Variants in TEAD1 observed in about 807,000 individuals in gnomAD.
TEAD1 encodes the protein TEA domain transcription factor 1.
Under a neutral mutation model 54.9 loss-of-function variants are expected in TEAD1, and 9 were observed. The observed-to-expected ratio is 0.16, with a 90% CI of 0.10 to 0.29. The LOEUF is 0.29. Ranked by LOEUF, TEAD1 falls within the 10% of genes least tolerant of loss-of-function variation. The pLI is 1.00. For missense variants in TEAD1, 387 were observed against 535.9 expected (o/e 0.72, Z 2.74); for synonymous variants, 200 against 187.8 (o/e 1.07, Z -0.53).
chr11:12,692,076 A>G (rs6486014), intron 2 of TEAD1, among the ~76,000 whole-genome samples: 3,776 of 152,318 alleles, frequency 0.025, 156 homozygotes, highest in African/African-American at 0.086. Context: ...GCGGGCCTAT[A>G]GTAGTAGGCC....
chr11:12,827,224 A>AC (rs1946675828), intron 3 of TEAD1, among the ~76,000 whole-genome samples: 1 of 152,180 alleles, frequency 6.6e-6, no homozygotes, highest in Non-Finnish European at 1.5e-5. Context: ...ACATATCCTG[A>AC]CTTTACTAGT....
At chr11:12,717,669 G>A (rs1944093092) in intron 2 of TEAD1, among the ~76,000 whole-genome samples, 1 of 152,182 alleles carries the variant, frequency 6.6e-6, no homozygotes, top group Non-Finnish European at 1.5e-5. Context: ...GGAAGTCAAG[G>A]AAGCTTTGTG....
intron 3 of TEAD1, among the ~76,000 whole-genome samples, chr11:12,853,987 C>T (rs955431235): frequency 6.6e-6 from 1 of 152,104 alleles, no homozygotes; most frequent in Admixed American, 6.5e-5. Context: ...CATATTATCT[C>T]CAGGGATTGC....
intron 10 of TEAD1, among the ~76,000 whole-genome samples, chr11:12,924,174 A>C (rs1176908661): frequency 6.6e-6 from 1 of 152,130 alleles, no homozygotes; most frequent in Non-Finnish European, 1.5e-5. Flanking sequence ...CTTGGCCTGC[A>C]CTGTACCCCC....
At chr11:12,858,167 C>G (rs1470317680) in intron 3 of TEAD1, among the ~76,000 whole-genome samples, 2 of 152,162 alleles carry the variant, frequency 1.3e-5, no homozygotes, top group Non-Finnish European at 2.9e-5. Context: ...TGACAAGACT[C>G]TCCTCAGAAC....
intron 2 of TEAD1, among the ~76,000 whole-genome samples, chr11:12,700,299 C>T (rs981180475): frequency 6.6e-6 from 1 of 151,406 alleles, no homozygotes; most frequent in African/African-American, 2.4e-5. Context: ...TGGACTTTTT[C>T]TTCCATAACT....
chr11:12,685,147 C>G (rs1943306978), intron 2 of TEAD1, among the ~76,000 whole-genome samples: 1 of 152,170 alleles, frequency 6.6e-6, no homozygotes, highest in African/African-American at 2.4e-5. Context: ...CAGGGACCAC[C>G]TGCATTTTAT....
chr11:12,744,262 G>A (rs1455053575), intron 2 of TEAD1, among the ~76,000 whole-genome samples: 2 of 152,144 alleles, frequency 1.3e-5, no homozygotes, highest in Non-Finnish European at 2.9e-5. Flanking sequence ...TCTATCGGTG[G>A]CCTTGAAATT....
intron 2 of TEAD1, among the ~76,000 whole-genome samples, chr11:12,720,623 A>C (rs1226651909): frequency 6.6e-6 from 1 of 152,238 alleles, no homozygotes; most frequent in Non-Finnish European, 1.5e-5. Flanking sequence ...ATTTGAATCC[A>C]AGCCAATTTC....
chr11:12,871,439 A>G (rs1029582604), intron 5 of TEAD1, among the ~76,000 whole-genome samples: 1 of 152,028 alleles, frequency 6.6e-6, no homozygotes, highest in Admixed American at 6.6e-5. Flanking sequence ...AGCTCCAGGG[A>G]TTTATTATCC....
At chr11:12,780,679 C>T (rs1440437550) in intron 3 of TEAD1, among the ~76,000 whole-genome samples, 1 of 152,162 alleles carries the variant, frequency 6.6e-6, no homozygotes, top group Non-Finnish European at 1.5e-5. Flanking sequence ...ACCTCCAAAA[C>T]TACAAAATAT....
rs1211696636 is a variant in TEAD1, at chr11:12,764,242, A to G, written c.10A>G (p.Ser4Gly). Reference sequence around the variant, plus strand: ...AAATCCCACCGCCAAAATTGAGCCCAGCAGCTGGAGCGGCAGTGAGAGCCC... The same window carrying G: ...AAATCCCACCGCCAAAATTGAGCCCGGCAGCTGGAGCGGCAGTGAGAGCCC... Residue 4 changes from serine (S) to glycine (G), a missense_variant, in exon 3 of 13, where the codon AGC becomes GGC. This residue lies in a region of TEAD1 where 55 missense variants were observed against 50.4 expected (regional missense o/e 1.09). Transcript: ENST00000527636. The G allele has an allele frequency of 2.5e-6, 4 of 1,613,820 alleles. No homozygotes were observed. The highest frequency in any genetic ancestry group is 1.3e-5 in the African/African-American group (1 of 74,932).
At chr11:12,681,981 C>T (rs1045794513) in intron 2 of TEAD1, among the ~76,000 whole-genome samples, 3 of 152,224 alleles carry the variant, frequency 2.0e-5, no homozygotes, top group Admixed American at 2.0e-4. Context: ...CTGCAGCCTC[C>T]ATGGAGCTTT....
At position 12,705,177 on chromosome 11, in the gene TEAD1, C is replaced by T. The variant is rs564064752; in HGVS notation, c.-55+29616C>T. ...AGCTGACAGAAGCACTCAGGGAATTCGCATATCCTCTTTCTTGTGATTTCT... is the reference window on the plus strand; with the variant it reads ...AGCTGACAGAAGCACTCAGGGAATTTGCATATCCTCTTTCTTGTGATTTCT... On this transcript the variant is annotated intron_variant, in intron 2 of 12. Transcript: ENST00000527636. Among the ~76,000 whole-genome samples, 11 of 152,306 alleles carry T rather than the reference C, an allele frequency of 7.2e-5. No homozygotes were observed. In the East Asian group the frequency reaches 1.2e-3, roughly 16 times the overall value.
intron 2 of TEAD1, among the ~76,000 whole-genome samples, chr11:12,714,759 G>A (rs1289337346): frequency 6.6e-6 from 1 of 152,094 alleles, no homozygotes; most frequent in Non-Finnish European, 1.5e-5. Flanking sequence ...TTCTTCCGAG[G>A]CCCCTCTTGT....
At chr11:12,734,799 CTG>C (rs2133884199) in intron 2 of TEAD1, among the ~76,000 whole-genome samples, 1 of 152,300 alleles carries the variant, frequency 6.6e-6, no homozygotes, top group South Asian at 2.1e-4. Context: ...GTTTGTGTAA[CTG>C]TGCTCTGTGA....
chr11:12,753,103 C>G (rs993523726), intron 2 of TEAD1, among the ~76,000 whole-genome samples: 1 of 151,958 alleles, frequency 6.6e-6, no homozygotes, highest in African/African-American at 2.4e-5. Flanking sequence ...CTCGGCCTCC[C>G]AAAGTGCTGG....
chr11:12,865,074 A>G, intron 5 of TEAD1, 174 bp downstream of exon 5: 2 of 752,680 alleles, frequency 2.7e-6, no homozygotes, highest in Non-Finnish European at 4.6e-6. Context: ...GCCTCACATT[A>G]AACTCAATGT....
intron 2 of TEAD1, among the ~76,000 whole-genome samples, chr11:12,691,037 C>G (rs944808078): frequency 1.3e-5 from 2 of 152,228 alleles, no homozygotes; most frequent in Admixed American, 6.5e-5. Flanking sequence ...AGGCGTGAGC[C>G]ATCTCACCCA....
Sources: allele counts gnomAD v4.1 joint callset (sites outside exome capture counted in the v4.1 genomes callset), GRCh38; gene constraint gnomAD v4.1.1; regional missense constraint gnomAD v4.1.1; transcripts MANE v1.5; gene names NCBI Gene and HGNC (gene_info 2026-07-23, HGNC 2026-07-21).